MED23: variants seen among roughly 807,000 people sequenced by gnomAD.
The protein encoded by MED23 is mediator of RNA polymerase II transcription subunit 23.
A neutral mutation model predicts 163.9 loss-of-function variants in MED23; 105 were observed. The observed-to-expected ratio is 0.64, with a 90% CI of 0.55 to 0.75. The LOEUF is 0.75. Ranked by LOEUF, MED23 falls within the 30% of genes least tolerant of loss-of-function variation. MED23 has a pLI of 0.00. For missense variants in MED23, 1,054 were observed against 1,649.0 expected (o/e 0.64, Z 6.25); for synonymous variants, 561 against 565.6 (o/e 0.99, Z 0.12).
Position 131,628,171 on chromosome 6 carries a change from T to C in MED23, c.-122A>G, listed in dbSNP as rs1585590677. On this transcript the variant is annotated 5_prime_UTR_variant, in exon 1 of 29. Transcript: ENST00000368068. ...GGAAACCGTAGCTCCTCGGCGTCGC[T>C]TCCTCCCCCAGCGCTTTACCTGGAG... 1 of 1,146,982 alleles carries C rather than the reference T, an allele frequency of 8.7e-7. No individual in the cohort carries two copies. Among genetic ancestry groups the C allele is most frequent in the Non-Finnish European group, 1.3e-6 (1 of 769,838 alleles). The allele number at this position is 1,146,982 out of a possible 1,614,324, so 71.1% of individuals were successfully genotyped here.
chr6:131,599,019 T>C (rs1422527337), intron 18 of MED23, among the ~76,000 whole-genome samples: 1 of 152,232 alleles, frequency 6.6e-6, no homozygotes, highest in Middle Eastern at 3.2e-3. Flanking sequence ...CAATCATCTG[T>C]TGATACTTCC....
chr6:131,627,991 T>C lies in MED23; in HGVS notation c.39+20A>G. The C allele has an allele frequency of 6.2e-7, 1 of 1,613,932 alleles. No homozygotes were observed. Among genetic ancestry groups the C allele is most frequent in the Non-Finnish European group, 8.5e-7 (1 of 1,180,020 alleles). ...CCCGTCCCCAAGCCGTAGTCCTGGA[T>C]GGCCGGCAGCTGCACTCACCACCAC... is the stretch of plus-strand genomic sequence containing the variant. On this transcript the variant is annotated intron_variant, in intron 1 of 28. Transcript: ENST00000368068.
chr6:131,577,165 T>C (rs978977268), intron 30 of MED23, among the ~76,000 whole-genome samples: 117 of 152,324 alleles, frequency 7.7e-4, no homozygotes, highest in African/African-American at 2.7e-3. Flanking sequence ...TATATATACA[T>C]ACATATACAT....
chr6:131,621,062 A>G (rs1258896374), intron 6 of MED23, among the ~76,000 whole-genome samples: 2 of 152,192 alleles, frequency 1.3e-5, no homozygotes, highest in African/African-American at 4.8e-5. Flanking sequence ...TTGGCCTCCC[A>G]AAGCACTGGG....
rs779631095 is a variant in MED23, at chr6:131,594,347, A to G, written c.2996-12T>C. 64 of 1,572,174 alleles carry G rather than the reference A, an allele frequency of 4.1e-5. No individual in the cohort carries two copies. The highest frequency in any genetic ancestry group is 5.3e-5 in the Non-Finnish European group (60 of 1,141,906). Reference sequence around the variant, plus strand: ...AGTCACTGGACGATCTGCCAAGAAAAAAACATACCACCACAATGTTTAACT... The same window carrying G: ...AGTCACTGGACGATCTGCCAAGAAAGAAACATACCACCACAATGTTTAACT... On this transcript the variant is annotated splice_polypyrimidine_tract_variant and intron_variant, in intron 22 of 28. Coordinates refer to ENST00000368068, the MANE Select transcript of MED23 (RefSeq NM_004830.4).
At chr6:131,589,774 G>C (rs982260508) in intron 27 of MED23, among the ~76,000 whole-genome samples, 178 bp from the exon 28 acceptor site, 1 of 152,090 alleles carries the variant, frequency 6.6e-6, no homozygotes, top group Non-Finnish European at 1.5e-5. Context: ...ATTTATAAAA[G>C]AATCTATAGT....
intron 1 of MED23, 108 bp from the exon 2 acceptor site, chr6:131,627,780 G>T (rs1223195855): frequency 8.8e-7 from 1 of 1,140,350 alleles, no homozygotes; most frequent in African/African-American, 1.6e-5. Context: ...AATCAGCTCT[G>T]AAACTATCAA....
At chr6:131,589,688 G>T in intron 27 of MED23, 92 bp from the exon 28 acceptor site, 1 of 1,154,800 alleles carries the variant, frequency 8.7e-7, no homozygotes, top group South Asian at 1.3e-5. Flanking sequence ...CACTAGCACC[G>T]GGGGATACTG....
In MED23 at chr6:131,586,733, C is replaced by T. The variant is rs1311157214; in HGVS notation, c.*946G>A. 2.0e-5 allele frequency: 28 copies of T among 1,435,614 alleles called. No individual in the cohort carries two copies. Among genetic ancestry groups the T allele is most frequent in the South Asian group, 7.5e-5 (6 of 80,040 alleles). The allele number at this position is 1,435,614 out of a possible 1,614,324, so 88.9% of individuals were successfully genotyped here. ...CAGCCGACACTCATTCCAATGGAGT[C>T]GGGAAACAATCACACGGTTTATTCA... On this transcript the variant is annotated 3_prime_UTR_variant, in exon 29 of 29. Transcript: ENST00000368068.
chr6:131,577,363 A>G (rs1288507837), intron 30 of MED23, among the ~76,000 whole-genome samples: 2 of 152,302 alleles, frequency 1.3e-5, no homozygotes, highest in Admixed American at 6.5e-5. Context: ...AGGTAAACAT[A>G]TATTTACATT....
At chr6:131,615,196 C>T in intron 10 of MED23, 1 of 915,642 alleles carries the variant, frequency 1.1e-6, no homozygotes, top group Non-Finnish European at 1.7e-6. Context: ...TTTTTAGTGG[C>T]CTTGGTCTCA....
In MED23 at chr6:131,625,530, G is replaced by T. The variant is rs1777422265; in HGVS notation, c.160-541C>A. ...GCCCGTATCAAAGTTTGTCTTCTAG[G>T]ATTATCTCCAAAAAGAGCCTATAAT... On this transcript the variant is annotated intron_variant, in intron 3 of 28. Transcript: ENST00000368068. Among the ~76,000 whole-genome samples the T allele has an allele frequency of 2.0e-5, 3 of 152,026 alleles. No individual in the cohort carries two copies. The South Asian group carries it at 6.2e-4, about 32-fold the overall frequency.
At chr6:131,584,816 TACACACACACACACAC>T (rs59196638), downstream of MED23, among the ~76,000 whole-genome samples, 1 of 134,042 alleles carries the variant, frequency 7.5e-6, no homozygotes, top group Non-Finnish European at 1.6e-5. Flanking sequence ...CTACAAAAAA[TACACACACACACACAC>T]ACACACACAC....
chr6:131,627,934 C>T, intron 1 of MED23, 77 bp downstream of exon 1: 3 of 1,586,626 alleles, frequency 1.9e-6, no homozygotes, highest in Admixed American at 1.7e-5. Flanking sequence ...GTTGCCCAGG[C>T]CAGTTTCCTT....
intron 20 of MED23, among the ~76,000 whole-genome samples, 188 bp from the exon 21 acceptor site, chr6:131,596,876 T>A (rs1321152362): frequency 6.6e-6 from 1 of 152,210 alleles, no homozygotes. Flanking sequence ...TATTTCTGGC[T>A]TACCATTCCT....
At chr6:131,574,980 A>G (rs541909945) in intron 30 of MED23, among the ~76,000 whole-genome samples, 7 of 152,300 alleles carry the variant, frequency 4.6e-5, no homozygotes, top group Non-Finnish European at 1.0e-4. Flanking sequence ...ATTCAACTCC[A>G]AAGGCGACCT....
Position 131,598,622 on chromosome 6 carries a change from G to A in MED23, c.2360C>T (p.Pro787Leu). 1 of 1,614,150 alleles carries A rather than the reference G, an allele frequency of 6.2e-7. No individual in the cohort carries two copies. The highest frequency in any genetic ancestry group is 1.1e-5 in the South Asian group (1 of 91,078). Residue 787 changes from proline (P) to leucine (L), a missense_variant, in exon 19 of 29, where the codon CCT becomes CTT. Transcript: ENST00000368068. This position sits in a 1 kb window ranked among gnomAD's most constrained non-coding sequence, Gnocchi z 4.7. ...TTTCCAGAGAAGACAAAGAAAGAGAGGAGGGGAGCCCTGCATAGAGAAGTG... is the reference window on the plus strand; with the variant it reads ...TTTCCAGAGAAGACAAAGAAAGAGAAGAGGGGAGCCCTGCATAGAGAAGTG... The part of the protein sequence containing the change: ...ITHFSMQGSP[P>L]LFLCLLWKML...
At chr6:131,602,768 C>T (rs543057224) in intron 16 of MED23, among the ~76,000 whole-genome samples, 1 of 152,158 alleles carries the variant, frequency 6.6e-6, no homozygotes, top group Non-Finnish European at 1.5e-5. Flanking sequence ...TAAGTTACAA[C>T]ATAATAATAA....
Position 131,598,837 on chromosome 6 carries a change from C to A in MED23, c.2221-76G>T. 1 of 1,395,090 alleles carries A rather than the reference C, an allele frequency of 7.2e-7. No individual in the cohort carries two copies. Among genetic ancestry groups the A allele is most frequent in the Middle Eastern group, 2.0e-4 (1 of 4,972 alleles). 86.4% of individuals were successfully genotyped at this position (1,395,090 alleles called of 1,614,324 possible). ...TGGATATGGAGTTAATAAACCAGTT[C>A]TAGACTTGATTCTGACACTAATAAA... On this transcript the variant is annotated intron_variant, in intron 18 of 28. Coordinates refer to ENST00000368068, the MANE Select transcript of MED23 (RefSeq NM_004830.4). The surrounding 1 kb of genome is among the most constrained non-coding windows in gnomAD (Gnocchi z 4.7).
Sources: allele counts gnomAD v4.1 joint callset (sites outside exome capture counted in the v4.1 genomes callset), GRCh38; gene constraint gnomAD v4.1.1; non-coding constraint Gnocchi (gnomAD v3.1); transcripts MANE v1.5; gene names NCBI Gene and HGNC (gene_info 2026-07-23, HGNC 2026-07-21).